CNTNAP2: variants seen among roughly 807,000 people sequenced by gnomAD.
CNTNAP2 encodes contactin associated protein 2.
CNTNAP2 carries 98 observed loss-of-function variants against 155.2 expected under a neutral mutation model. The ratio of observed to expected loss-of-function variants is 0.63; its 90% CI spans 0.54 to 0.75. The LOEUF (loss-of-function observed/expected upper bound fraction) is 0.75. CNTNAP2 is among the 30% of genes least tolerant of loss of function. The pLI, the probability that CNTNAP2 is intolerant of heterozygous loss-of-function variation, is 0.00. For missense variants in CNTNAP2, 1,727 were observed against 1,688.1 expected, an observed-to-expected ratio of 1.02 and a Z score of -0.40; for synonymous variants, 651 against 631.2, an observed-to-expected ratio of 1.03 and a Z score of -0.47.
intron 1 of CNTNAP2, among the ~76,000 whole-genome samples, chr7:146,369,061 AT>A (rs1795196786): frequency 6.9e-6 from 1 of 145,480 alleles, no homozygotes; most frequent in South Asian, 2.1e-4. Context: ...ACATATATAT[AT>A]ATACTCATAA....
At chr7:148,146,739 CAACA>C (rs1309831780) in intron 16 of CNTNAP2, among the ~76,000 whole-genome samples, 2 of 152,022 alleles carry the variant, frequency 1.3e-5, no homozygotes, top group African/African-American at 4.8e-5. Flanking sequence ...CTCATTACAC[CAACA>C]ATAGGTCACC....
At chr7:147,546,629 A>G (rs1799739400) in intron 11 of CNTNAP2, among the ~76,000 whole-genome samples, 1 of 152,220 alleles carries the variant, frequency 6.6e-6, no homozygotes, top group Non-Finnish European at 1.5e-5. Flanking sequence ...TTAAATACTC[A>G]ATATGATTTG....
chr7:146,514,022 CT>C (rs1160266331), intron 1 of CNTNAP2, among the ~76,000 whole-genome samples: 1 of 151,696 alleles, frequency 6.6e-6, no homozygotes, highest in African/African-American at 2.4e-5. Context: ...AACTTCAGTA[CT>C]TTTTATATAT....
chr7:147,721,722 G>A (rs1796570585), intron 13 of CNTNAP2, among the ~76,000 whole-genome samples: 1 of 152,030 alleles, frequency 6.6e-6, no homozygotes. Context: ...GAGGAAAACA[G>A]GAAATTAAGT....
At chr7:148,124,757 A>T (rs540080601) in intron 16 of CNTNAP2, among the ~76,000 whole-genome samples, 1 of 152,328 alleles carries the variant, frequency 6.6e-6, no homozygotes, top group African/African-American at 2.4e-5. Flanking sequence ...GACACTGCCG[A>T]ATCCAGATAT....
At chr7:146,878,458 T>A (rs925991602) in intron 3 of CNTNAP2, among the ~76,000 whole-genome samples, 6 of 151,986 alleles carry the variant, frequency 3.9e-5, no homozygotes, top group South Asian at 2.1e-4. Flanking sequence ...TTTTTTTTTT[T>A]AATAAGATTA....
At chr7:147,803,285 G>T (rs758975535) in intron 13 of CNTNAP2, among the ~76,000 whole-genome samples, 2 of 152,136 alleles carry the variant, frequency 1.3e-5, no homozygotes, top group Non-Finnish European at 2.9e-5. Context: ...GTGTTTTTCA[G>T]CCTAGAGCCT....
intron 3 of CNTNAP2, among the ~76,000 whole-genome samples, chr7:146,858,687 C>T (rs1795039570): frequency 6.6e-6 from 1 of 152,046 alleles, no homozygotes; most frequent in East Asian, 1.9e-4. Context: ...AGAGTGAGAT[C>T]CTGTCTCAAA....
At chr7:148,280,123 A>G (rs1182687520) in intron 21 of CNTNAP2, among the ~76,000 whole-genome samples, 1 of 152,040 alleles carries the variant, frequency 6.6e-6, no homozygotes, top group East Asian at 1.9e-4. Context: ...AGCCTGGCCA[A>G]CATGGTGAAA....
At chr7:146,813,914 A>G (rs1054743129) in intron 2 of CNTNAP2, among the ~76,000 whole-genome samples, 3 of 152,054 alleles carry the variant, frequency 2.0e-5, no homozygotes, top group South Asian at 2.1e-4. Context: ...GGTTTTATGA[A>G]GGGCATTTTC....
chr7:147,732,534 T>C (rs1332951436), intron 13 of CNTNAP2, among the ~76,000 whole-genome samples: 2 of 152,154 alleles, frequency 1.3e-5, no homozygotes, highest in Non-Finnish European at 2.9e-5. Context: ...TGATTTATAA[T>C]CCTTTGGGTA....
chr7:147,736,291 G>T (rs1796842249), intron 13 of CNTNAP2, among the ~76,000 whole-genome samples: 1 of 151,998 alleles, frequency 6.6e-6, no homozygotes. Context: ...AGCTTAGTTT[G>T]TCTGGATGTG....
chr7:148,064,645 A>G (rs1368529801), intron 15 of CNTNAP2, among the ~76,000 whole-genome samples: 1 of 151,090 alleles, frequency 6.6e-6, no homozygotes, highest in Non-Finnish European at 1.5e-5. Context: ...TAAGAATCAG[A>G]TCAAGAACTC....
intron 1 of CNTNAP2, among the ~76,000 whole-genome samples, chr7:146,432,062 C>A (rs7803472): frequency 0.39 from 58,959 of 151,810 alleles, 13,049 homozygotes; most frequent in African/African-American, 0.6. Flanking sequence ...CTGTCCAATG[C>A]CCTGTTATAA....
intron 1 of CNTNAP2, among the ~76,000 whole-genome samples, chr7:146,762,205 G>A (rs543924851): frequency 2.0e-5 from 3 of 152,072 alleles, no homozygotes; most frequent in Non-Finnish European, 4.4e-5. Context: ...AAATAACACA[G>A]TTTACATTAA....
At chr7:147,946,293 G>T (rs1800819110) in intron 14 of CNTNAP2, among the ~76,000 whole-genome samples, 1 of 152,234 alleles carries the variant, frequency 6.6e-6, no homozygotes. Flanking sequence ...ACATTGTGCT[G>T]CCATGTTTAC....
intron 15 of CNTNAP2, among the ~76,000 whole-genome samples, chr7:148,111,119 A>G (rs1319718288): frequency 6.6e-6 from 1 of 152,172 alleles, no homozygotes; most frequent in Admixed American, 6.5e-5. Flanking sequence ...TCCAGATTGC[A>G]GTCAGCTGTC....
intron 13 of CNTNAP2, among the ~76,000 whole-genome samples, chr7:147,813,602 C>CA (rs1335200723): frequency 2.6e-5 from 4 of 152,032 alleles, no homozygotes; most frequent in South Asian, 4.1e-4. Context: ...AACCTCCTAG[C>CA]AAAAAAAGTC....
intron 1 of CNTNAP2, among the ~76,000 whole-genome samples, chr7:146,592,385 A>T (rs1798796357): frequency 6.6e-6 from 1 of 152,246 alleles, no homozygotes; most frequent in African/African-American, 2.4e-5. Flanking sequence ...CCTGTGGACC[A>T]GATGGTCCCA....
Sources: allele counts gnomAD v4.1 joint callset (sites outside exome capture counted in the v4.1 genomes callset), GRCh38; gene constraint gnomAD v4.1.1; transcripts MANE v1.5; gene names NCBI Gene and HGNC (gene_info 2026-07-23, HGNC 2026-07-21).